The following PPP3CC variants were observed in gnomAD, a reference collection of about 807,000 sequenced individuals.
The protein encoded by PPP3CC is protein phosphatase 3 catalytic subunit gamma.
A neutral mutation model predicts 60.3 loss-of-function variants in PPP3CC; 35 were observed. The ratio of observed to expected loss-of-function variants is 0.58; its 90% confidence interval spans 0.44 to 0.77. The LOEUF (loss-of-function observed/expected upper bound fraction) is 0.77. Ranked by LOEUF, PPP3CC falls within the 30% of genes least tolerant of loss-of-function variation. The pLI is 0.00. For missense variants in PPP3CC, 570 were observed against 628.9 expected (o/e 0.91, Z 1.00); for synonymous variants, 206 against 224.3 (o/e 0.92, Z 0.73).
In PPP3CC at chr8:22,535,155, A is replaced by G. The variant is rs145553354; in HGVS notation, c.1321+2137A>G. Among the ~76,000 whole-genome samples the G allele has an allele frequency of 4.6e-5, 7 of 152,252 alleles. 1 individual carries two copies. The highest frequency in any genetic ancestry group is 1.2e-4 in the African/African-American group (5 of 41,552). ...AGTTTGAGGGGGTTGCAGTTTCTCA[A>G]TCAGAGAGGGAGTTTGCCTCTTTCC... On this transcript the variant is annotated intron_variant, in intron 12 of 13. Transcript: ENST00000240139.
At chr8:22,503,161 A>G (rs1350566428) in intron 4 of PPP3CC, among the ~76,000 whole-genome samples, 1 of 152,202 alleles carries the variant, frequency 6.6e-6, no homozygotes, top group South Asian at 2.1e-4. Context: ...TAAGCACCCA[A>G]GGTAGTTCAG....
intron 3 of PPP3CC, among the ~76,000 whole-genome samples, chr8:22,477,495 A>T (rs1411488139): frequency 6.6e-6 from 1 of 151,924 alleles, no homozygotes; most frequent in Non-Finnish European, 1.5e-5. Flanking sequence ...AGAAAGAAAG[A>T]AAGAAAGTAT....
intron 1 of PPP3CC, among the ~76,000 whole-genome samples, chr8:22,451,162 G>T (rs2132430903): frequency 6.7e-6 from 1 of 150,004 alleles, no homozygotes; most frequent in South Asian, 2.1e-4. Context: ...TTGAGACAGA[G>T]TCTCACTCTG....
At chr8:22,499,646 C>T (rs1319837151) in intron 4 of PPP3CC, among the ~76,000 whole-genome samples, 1 of 152,204 alleles carries the variant, frequency 6.6e-6, no homozygotes, top group Admixed American at 6.5e-5. Context: ...TAATTGGCTG[C>T]TCACTAACAA....
intron 13 of PPP3CC, 55 bp from the exon 14 acceptor site, chr8:22,540,560 C>A (rs1323335412): frequency 2.6e-6 from 4 of 1,533,644 alleles, no homozygotes; most frequent in Non-Finnish European, 2.7e-6. Context: ...TTTTTTAAGC[C>A]TGTTGCTTTG....
chr8:22,506,919 C>CAAAT (rs1014881489), intron 4 of PPP3CC, among the ~76,000 whole-genome samples: 11 of 150,682 alleles, frequency 7.3e-5, no homozygotes, highest in South Asian at 4.2e-4. Flanking sequence ...TCCAGTCTCT[C>CAAAT]AAATAAATAA....
intron 12 of PPP3CC, among the ~76,000 whole-genome samples, chr8:22,537,743 T>C (rs1156252182): frequency 1.3e-5 from 2 of 152,234 alleles, no homozygotes; most frequent in African/African-American, 2.4e-5. Flanking sequence ...CAGGTATACA[T>C]GTCAACATGA....
intron 1 of PPP3CC, among the ~76,000 whole-genome samples, chr8:22,452,142 G>A (rs967980590): frequency 1.3e-5 from 2 of 151,704 alleles, no homozygotes; most frequent in African/African-American, 4.8e-5. Context: ...TGATCGTCCT[G>A]CCTCATCCCT....
Position 22,475,120 on chromosome 8 carries a change from G to T in PPP3CC, c.216G>T (p.Lys72Asn), listed in dbSNP as rs774623986. Residue 72 changes from lysine to asparagine, a missense_variant, in exon 2 of 14, where the codon AAG becomes AAT. Physicochemically the swap from Lys to Asn is moderately conservative, Grantham distance 94. Coordinates refer to ENST00000240139, the MANE Select transcript of PPP3CC (RefSeq NM_005605.5). ...GGGCTGCCATCCTGAGGCAAGAGAA[G>T]ACTATGATAGAAGTAGATGCTCCAA... ...NDGAAILRQE[K>N]TMIEVDAPIT... The T allele has an allele frequency of 6.2e-7, 1 of 1,612,656 alleles. No individual in the cohort carries two copies. Among genetic ancestry groups the T allele is most frequent in the Non-Finnish European group, 8.5e-7 (1 of 1,179,100 alleles).
intron 10 of PPP3CC, among the ~76,000 whole-genome samples, chr8:22,531,997 C>CT (rs1426314538): frequency 6.6e-6 from 1 of 152,196 alleles, no homozygotes; most frequent in Non-Finnish European, 1.5e-5. Flanking sequence ...CCCAGTCTGT[C>CT]TTTTTTGTGG....
At chr8:22,499,605 G>T (rs555138454) in intron 4 of PPP3CC, among the ~76,000 whole-genome samples, 67 of 152,246 alleles carry the variant, frequency 4.4e-4, no homozygotes, top group South Asian at 8.3e-4. Flanking sequence ...AAACAAACTC[G>T]TAGATTTCCT....
chr8:22,488,231 G>C (rs1369072495), intron 3 of PPP3CC, among the ~76,000 whole-genome samples: 5 of 152,062 alleles, frequency 3.3e-5, no homozygotes, highest in Admixed American at 3.3e-4. Flanking sequence ...TTTTTCCTTG[G>C]AATATTTTGT....
rs1563709621 is a variant in PPP3CC, at chr8:22,475,483, TA to T, written c.248-16del. 1 of 1,602,862 alleles carries T rather than the reference TA, an allele frequency of 6.2e-7. No individual in the cohort carries two copies. The highest frequency in any genetic ancestry group is 1.7e-5 in the Admixed American group (1 of 58,056). On this transcript the variant is annotated splice_polypyrimidine_tract_variant and intron_variant, in intron 2 of 13. Coordinates refer to ENST00000240139, the MANE Select transcript of PPP3CC (RefSeq NM_005605.5). Reference sequence around the variant, plus strand: ...TAAGGTATAATTTCTCACATCACTTTATGCTTTTTTTCCTAGTATGTGGTGA... The same window carrying T: ...TAAGGTATAATTTCTCACATCACTTTTGCTTTTTTTCCTAGTATGTGGTGA...
At chr8:22,471,026 G>A (rs1837705533) in intron 1 of PPP3CC, among the ~76,000 whole-genome samples, 1 of 152,088 alleles carries the variant, frequency 6.6e-6, no homozygotes, top group South Asian at 2.1e-4. Flanking sequence ...CTTTATTAAC[G>A]CAGTAGTGCT....
chr8:22,539,064 A>C (rs1839904471), intron 12 of PPP3CC, among the ~76,000 whole-genome samples: 1 of 152,162 alleles, frequency 6.6e-6, no homozygotes, highest in Non-Finnish European at 1.5e-5. Flanking sequence ...AGTTGTAAAT[A>C]AGCTTTTTGA....
chr8:22,477,242 C>T lies in PPP3CC; in HGVS notation c.372+1618C>T, dbSNP rs953845427. On this transcript the variant is annotated intron_variant, in intron 3 of 13. Transcript: ENST00000240139. Reference sequence around the variant, plus strand: ...CTGTAATCCCAGCACTTTGGGAGGCCGAGGTGGGTGGATCACCTGAGGTCA... The same window carrying T: ...CTGTAATCCCAGCACTTTGGGAGGCTGAGGTGGGTGGATCACCTGAGGTCA... Among the ~76,000 whole-genome samples, 2 of 151,968 alleles carry T rather than the reference C, an allele frequency of 1.3e-5. 1 individual carries two copies. The highest frequency in any genetic ancestry group is 4.2e-4 in the South Asian group (2 of 4,818).
At chr8:22,470,893 A>G (rs1310394092) in intron 1 of PPP3CC, among the ~76,000 whole-genome samples, 1 of 152,222 alleles carries the variant, frequency 6.6e-6, no homozygotes, top group Non-Finnish European at 1.5e-5. Flanking sequence ...ATTCTTGGGT[A>G]TATACCTAAG....
chr8:22,481,778 A>G (rs1205386446), intron 3 of PPP3CC, among the ~76,000 whole-genome samples: 1 of 151,652 alleles, frequency 6.6e-6, no homozygotes, highest in East Asian at 1.9e-4. Context: ...GAGTGAGAAC[A>G]TGTGGTGTTT....
rs758721740 is a variant in PPP3CC at position 22,441,446 on chromosome 8, C to T, written c.37C>T (p.Arg13Cys). Residue 13 changes from arginine (R) to cysteine (C), a missense_variant, in exon 1 of 14, where the codon CGC becomes TGC. Physicochemically the swap from Arg to Cys is radical, Grantham distance 180. Transcript: ENST00000240139. ...GRRFHLSTTD[R>C]VIKAVPFPPT... ...GCGCTTCCACCTCTCCACCACCGACCGCGTCATCAAAGGTGCCTGGCGGGC... is the reference window on the plus strand; with the variant it reads ...GCGCTTCCACCTCTCCACCACCGACTGCGTCATCAAAGGTGCCTGGCGGGC... 2 of 1,546,756 alleles carry T rather than the reference C, an allele frequency of 1.3e-6. No homozygotes were observed. Among genetic ancestry groups the T allele is most frequent in the African/African-American group, 1.4e-5 (1 of 71,872 alleles).
Sources: allele counts gnomAD v4.1 joint callset (sites outside exome capture counted in the v4.1 genomes callset), GRCh38; gene constraint gnomAD v4.1.1; transcripts MANE v1.5; gene names NCBI Gene and HGNC (gene_info 2026-07-23, HGNC 2026-07-21).